The following GRIN3A variants were observed in gnomAD, a reference collection of about 807,000 sequenced individuals.
The protein encoded by GRIN3A is glutamate receptor ionotropic, NMDA 3A.
In GRIN3A, 47 loss-of-function variants were observed where a neutral mutation model predicts 92.4. The ratio of observed to expected loss-of-function variants is 0.51; its 90% CI spans 0.40 to 0.65. The LOEUF is 0.65. Among genes scored for constraint, GRIN3A ranks in the 30% least tolerant of loss-of-function variants. The pLI is 0.00. For synonymous variants in GRIN3A, 527 were observed against 540.6 expected, an observed-to-expected ratio of 0.97 and a Z score of 0.35; for missense variants, 1,324 against 1,393.1, an observed-to-expected ratio of 0.95 and a Z score of 0.79.
chr9:101,595,028 A>T, intron 6 of GRIN3A: 3 of 1,222,664 alleles, frequency 2.5e-6, no homozygotes, highest in East Asian at 3.0e-5. Context: ...GGGTGGGGGT[A>T]GAGGGCTCCC....
chr9:101,628,590 A>G (rs1221038642), intron 3 of GRIN3A, among the ~76,000 whole-genome samples, 189 bp from the exon 4 acceptor site: 1 of 152,224 alleles, frequency 6.6e-6, no homozygotes, highest in African/African-American at 2.4e-5. Flanking sequence ...CTCTATCTTT[A>G]GAAGCAAACA....
At chr9:101,595,487 C>T (rs1828113808) in intron 6 of GRIN3A, among the ~76,000 whole-genome samples, 4 of 151,972 alleles carry the variant, frequency 2.6e-5, no homozygotes, top group Admixed American at 2.6e-4. Context: ...GCTTTACAGA[C>T]CTAGTGTAAG....
In GRIN3A at chr9:101,606,906, A is replaced by ATTTTTTT. The variant is rs536780165; in HGVS notation, c.2766+6463_2766+6469dup. On this transcript the variant is annotated intron_variant, in intron 6 of 8. Coordinates refer to ENST00000361820, the MANE Select transcript of GRIN3A (RefSeq NM_133445.3). ...CACTTGGGGAGTTGAAAAAAATTACATTTTTTTTTTTTTTTTTTTTTTTTG... is the reference window on the plus strand; with the variant it reads ...CACTTGGGGAGTTGAAAAAAATTACATTTTTTTTTTTTTTTTTTTTTTTTTTTTTTTG... Among the ~76,000 whole-genome samples, 244 of 86,146 alleles carry ATTTTTTT rather than the reference A, an allele frequency of 2.8e-3. 6 individuals are homozygous for ATTTTTTT. Among genetic ancestry groups the ATTTTTTT allele is most frequent in the Middle Eastern group, 0.02 (2 of 98 alleles). The allele number at this position is 86,146 out of a possible 152,430, so 56.5% of individuals were successfully genotyped here.
At chr9:101,588,552 G>A (rs1337827376) in intron 6 of GRIN3A, among the ~76,000 whole-genome samples, 1 of 152,026 alleles carries the variant, frequency 6.6e-6, no homozygotes, top group Non-Finnish European at 1.5e-5. Flanking sequence ...CATTAGCTCT[G>A]TTGTGCAGTT....
intron 6 of GRIN3A, among the ~76,000 whole-genome samples, chr9:101,589,437 A>T (rs1827995323): frequency 6.6e-6 from 1 of 152,206 alleles, no homozygotes; most frequent in Admixed American, 6.5e-5. Flanking sequence ...TGCAATGCCT[A>T]GAAGGCTTCT....
At chr9:101,654,640 C>T (rs1205710251) in intron 3 of GRIN3A, among the ~76,000 whole-genome samples, 1 of 151,454 alleles carries the variant, frequency 6.6e-6, no homozygotes, top group Non-Finnish European at 1.5e-5. Flanking sequence ...ACTTTATCTG[C>T]CTATTAAGAG....
At chr9:101,707,966 G>A (rs1313233509) in intron 1 of GRIN3A, among the ~76,000 whole-genome samples, 1 of 152,092 alleles carries the variant, frequency 6.6e-6, no homozygotes, top group Non-Finnish European at 1.5e-5. Context: ...TTGACTCATT[G>A]CACCCTGCTG....
chr9:101,633,109 A>G (rs562608043), intron 3 of GRIN3A, among the ~76,000 whole-genome samples: 1 of 152,312 alleles, frequency 6.6e-6, no homozygotes, highest in East Asian at 1.9e-4. Context: ...ATGGCTCAAA[A>G]CAAAATGAGG....
At position 101,594,946 on chromosome 9, in the gene GRIN3A, G is replaced by A. The variant is rs766585405; in HGVS notation, c.2767-15586C>T. 1.9e-6 allele frequency: 3 copies of A among 1,589,544 alleles called. No individual in the cohort carries two copies. In the South Asian group the frequency reaches 3.4e-5, roughly 18 times the overall value. ...TTGTGGACATCTGGCAACGGCCACG[G>A]CTCAAAGGGTCGGAGAGGGGAGCAG... is the stretch of plus-strand genomic sequence containing the variant. On this transcript the variant is annotated intron_variant, in intron 6 of 8. Transcript: ENST00000361820.
At chr9:101,698,730 G>C (rs751270316) in intron 1 of GRIN3A, among the ~76,000 whole-genome samples, 3 of 152,030 alleles carry the variant, frequency 2.0e-5, no homozygotes, top group Admixed American at 6.6e-5. Flanking sequence ...TGCAGTGGCG[G>C]GATCTTTGTC....
chr9:101,594,378 A>G (rs1209327946), intron 6 of GRIN3A: 1 of 1,554,212 alleles, frequency 6.4e-7, no homozygotes, highest in African/African-American at 1.4e-5. Flanking sequence ...AGAAAGCAGA[A>G]GTTGTTGGGT....
In GRIN3A at chr9:101,711,062, A is replaced by C. The variant is rs1829871008; in HGVS notation, c.700-23862T>G. 3.9e-5 allele frequency among the ~76,000 whole-genome samples: 6 copies of C among 152,318 alleles called. No individual in the cohort carries two copies. In the South Asian group the frequency reaches 1.2e-3, roughly 32 times the overall value. Reference sequence around the variant, plus strand: ...TCTCTCTCTTAAAATATCTTACTGTACTGTACTCACCCTCGTCCTTCTTGT... The same window carrying C: ...TCTCTCTCTTAAAATATCTTACTGTCCTGTACTCACCCTCGTCCTTCTTGT... On this transcript the variant is annotated intron_variant, in intron 1 of 8. Coordinates refer to ENST00000361820, the MANE Select transcript of GRIN3A (RefSeq NM_133445.3).
chr9:101,651,145 T>A (rs75614675), intron 3 of GRIN3A, among the ~76,000 whole-genome samples: 10,876 of 152,036 alleles, frequency 0.072, 528 homozygotes, highest in East Asian at 0.22. Flanking sequence ...AATGAATGAT[T>A]TTTTAATGAA....
chr9:101,642,539 C>A (rs1828880251), intron 3 of GRIN3A, among the ~76,000 whole-genome samples: 8 of 152,104 alleles, frequency 5.3e-5, no homozygotes, highest in Admixed American at 5.2e-4. Flanking sequence ...AATGAAAGGG[C>A]AACCTATGAA....
At position 101,571,582 on chromosome 9, in the gene GRIN3A, G is replaced by A. The variant is rs12342026; in HGVS notation, c.*1592C>T. 0.24 allele frequency: 36,949 copies of A among 152,074 alleles called. 4,630 individuals carry two copies. The highest frequency in any genetic ancestry group is 0.29 in the African/African-American group (11,922 of 41,438). The allele number at this position is 152,074 out of a possible 1,614,324, so 9.4% of individuals were successfully genotyped here. A position where few individuals can be genotyped will look rare whatever the true frequency, so the allele number is the denominator to read the frequency against. On this transcript the variant is annotated 3_prime_UTR_variant, in exon 9 of 9. Transcript: ENST00000361820. ...GTCTTGTCCTAAATGGTGCCCAGGG[G>A]TGGGGGTGAGGATGTTGAAGGAGAG...
intron 3 of GRIN3A, among the ~76,000 whole-genome samples, chr9:101,649,807 T>C (rs1828988045): frequency 6.6e-6 from 1 of 152,078 alleles, no homozygotes; most frequent in South Asian, 2.1e-4. Flanking sequence ...ACACCAGGGC[T>C]TAACCTAGAT....
rs76731893 is a variant in GRIN3A at position 101,612,346 on chromosome 9, T to C, written c.2766+1030A>G. On this transcript the variant is annotated intron_variant, in intron 6 of 8. Coordinates refer to ENST00000361820, the MANE Select transcript of GRIN3A (RefSeq NM_133445.3). ...CTTGCCAGTTTCCAGAATGAGTAAC[T>C]AGATGGCCAGAGGAGCCATTACCAA... Among the ~76,000 whole-genome samples the C allele has an allele frequency of 1.9e-3, 292 of 152,264 alleles. 2 individuals are homozygous for C. The highest frequency in any genetic ancestry group is 6.7e-3 in the African/African-American group (278 of 41,540).
At chr9:101,632,340 A>C (rs1023487815) in intron 3 of GRIN3A, among the ~76,000 whole-genome samples, 1 of 152,166 alleles carries the variant, frequency 6.6e-6, no homozygotes, top group Non-Finnish European at 1.5e-5. Context: ...CTAGATTGTA[A>C]GTTTCCATGA....
intron 1 of GRIN3A, among the ~76,000 whole-genome samples, chr9:101,721,686 G>T (rs2119029413): frequency 6.6e-6 from 1 of 152,300 alleles, no homozygotes; most frequent in African/African-American, 2.4e-5. Context: ...CTGAAGCAAA[G>T]GTGACTCTTG....
Sources: gnomAD v4.1 joint callset for allele counts (sites outside exome capture counted in the v4.1 genomes callset) on GRCh38, gnomAD v4.1.1 for gene constraint, MANE v1.5 for transcripts, NCBI Gene and HGNC (gene_info 2026-07-23, HGNC 2026-07-21) for gene names.